The following KNL1 variants were observed in gnomAD, a reference collection of about 807,000 sequenced individuals.
The protein encoded by KNL1 is outer kinetochore KNL1 complex subunit KNL1.
Under a neutral mutation model 201.3 loss-of-function variants are expected in KNL1, and 66 were observed. The ratio of observed to expected loss-of-function variants is 0.33; its 90% confidence interval spans 0.27 to 0.40. The LOEUF is 0.40. KNL1 is among the 10% of genes least tolerant of loss of function. The pLI is 1.00. For synonymous variants in KNL1, 895 were observed against 899.2 expected (o/e 1.00, Z 0.08); for missense variants, 2,815 against 2,690.5 (o/e 1.05, Z -1.02).
Position 40,650,533 on chromosome 15 carries a change from T to C in KNL1, c.6173-11T>C. On this transcript the variant is annotated splice_polypyrimidine_tract_variant and intron_variant, in intron 18 of 25. Transcript: ENST00000399668. ...GTTTGTTCTGTTTTTTTTTTTTTTCTGTTTCCAAAGAATTGGAACAGCTGA... is the reference window on the plus strand; with the variant it reads ...GTTTGTTCTGTTTTTTTTTTTTTTCCGTTTCCAAAGAATTGGAACAGCTGA... 6.5e-7 allele frequency: 1 copy of C among 1,543,478 alleles called. No homozygotes were observed. Among genetic ancestry groups the C allele is most frequent in the Admixed American group, 2.3e-5 (1 of 44,024 alleles).
Position 40,629,327 on chromosome 15 carries a change from C to T in KNL1, c.5638C>T (p.His1880Tyr), listed in dbSNP as rs1892837712. The change falls in exon 13 of 26, where the codon CAC becomes TAC. Residue 1880 changes from histidine to tyrosine, a missense_variant. Coordinates refer to ENST00000399668, the MANE Select transcript of KNL1 (RefSeq NM_144508.5). ...GGAGTTCTTTATACTTCTCCAGGTC[C>T]ACATCTTGATACAGAAACCCCGACA... ...IREFFILLQV[H>Y]ILIQKPRQSN... The T allele has an allele frequency of 1.2e-6, 2 of 1,605,292 alleles. No homozygotes were observed. Among genetic ancestry groups the T allele is most frequent in the South Asian group, 2.3e-5 (2 of 88,712 alleles).
intron 25 of KNL1, among the ~76,000 whole-genome samples, chr15:40,659,973 C>T (rs1419523467): frequency 1.3e-5 from 2 of 150,468 alleles, no homozygotes; most frequent in Admixed American, 6.7e-5. Flanking sequence ...TGCAGTGGCA[C>T]GATCTCGGCT....
intron 13 of KNL1, among the ~76,000 whole-genome samples, chr15:40,639,770 T>C (rs1252435157): frequency 6.8e-6 from 1 of 147,368 alleles, no homozygotes; most frequent in African/African-American, 2.5e-5. Flanking sequence ...AGACCCCATC[T>C]CAAAAAAAAA....
At chr15:40,648,293 G>A (rs1893454804) in intron 17 of KNL1, among the ~76,000 whole-genome samples, 1 of 152,116 alleles carries the variant, frequency 6.6e-6, no homozygotes, top group African/African-American at 2.4e-5. Flanking sequence ...TTAGCTCAGC[G>A]TGATGGCACA....
rs188649311 is a variant in KNL1 at position 40,658,363 on chromosome 15, A to G, written c.6713+890A>G. Reference sequence around the variant, plus strand: ...GGCAAGATGGTGAAACCCTGTCTCTACTAAAAATACAAAAAATTAGCCGGG... The same window carrying G: ...GGCAAGATGGTGAAACCCTGTCTCTGCTAAAAATACAAAAAATTAGCCGGG... On this transcript the variant is annotated intron_variant, in intron 24 of 25. Coordinates refer to ENST00000399668, the MANE Select transcript of KNL1 (RefSeq NM_144508.5). 2.0e-4 allele frequency among the ~76,000 whole-genome samples: 30 copies of G among 151,644 alleles called. No individual in the cohort carries two copies. The South Asian group carries it at 2.9e-3, about 15-fold the overall frequency.
intron 8 of KNL1, among the ~76,000 whole-genome samples, chr15:40,616,433 CTG>C (rs1365517684): frequency 2.0e-4 from 31 of 152,118 alleles, no homozygotes; most frequent in African/African-American, 6.8e-4. Flanking sequence ...AGCCAACTCA[CTG>C]TTACTTCTTT....
intron 5 of KNL1, among the ~76,000 whole-genome samples, chr15:40,609,244 CAAAAAA>C (rs35081212): frequency 1.9e-5 from 1 of 52,126 alleles, no homozygotes; most frequent in African/African-American, 6.1e-5. Flanking sequence ...CCCATCTCTA[CAAAAAA>C]AAAAAAAAAA....
At chr15:40,652,136 C>A in intron 21 of KNL1, 31 bp downstream of exon 21, 1 of 1,412,300 alleles carries the variant, frequency 7.1e-7, no homozygotes, top group Non-Finnish European at 1.0e-6. Flanking sequence ...AATTCTTTTA[C>A]AGAAAAATGA....
At chr15:40,611,774 T>C (rs1025631603) in intron 7 of KNL1, among the ~76,000 whole-genome samples, 2 of 152,024 alleles carry the variant, frequency 1.3e-5, no homozygotes, top group African/African-American at 4.8e-5. Context: ...TTTTATTAAA[T>C]TAATCTTTCT....
chr15:40,634,750 A>G (rs933082383), intron 13 of KNL1, among the ~76,000 whole-genome samples: 2 of 152,052 alleles, frequency 1.3e-5, no homozygotes, highest in Admixed American at 6.6e-5. Context: ...AACAGAGGAG[A>G]GCAGAGGGGA....
intron 13 of KNL1, among the ~76,000 whole-genome samples, chr15:40,637,682 T>C (rs906550826): frequency 3.9e-5 from 6 of 152,176 alleles, no homozygotes; most frequent in Non-Finnish European, 8.8e-5. Flanking sequence ...GTGGCCAAGG[T>C]AGTGATACCT....
In KNL1 at chr15:40,629,276, C is replaced by G; in HGVS notation, c.5587C>G (p.Leu1863Val). 6.3e-7 allele frequency: 1 copy of G among 1,576,316 alleles called. No homozygotes were observed. The highest frequency in any genetic ancestry group is 8.6e-7 in the Non-Finnish European group (1 of 1,168,102). ...AAACTTTTTTTTCTTTTCTCAGAAA[C>G]TCCAAGATGGGAGAATAACAATAAG... ...TICEESLREK[L>V]QDGRITIREF... Residue 1863 changes from leucine to valine, a missense_variant, in exon 13 of 26, where the codon CTC (leucine) becomes GTC (valine). Transcript: ENST00000399668.
intron 7 of KNL1, among the ~76,000 whole-genome samples, chr15:40,613,329 C>G (rs1892233835): frequency 6.6e-6 from 1 of 151,916 alleles, no homozygotes; most frequent in Non-Finnish European, 1.5e-5. Context: ...CATATATATG[C>G]ATAATATCTC....
intron 1 of KNL1, among the ~76,000 whole-genome samples, chr15:40,596,685 C>T (rs758809780): frequency 6.6e-6 from 1 of 151,968 alleles, no homozygotes; most frequent in Non-Finnish European, 1.5e-5. Flanking sequence ...ACCCTCATTT[C>T]CTGTAGTACT....
At position 40,625,613 on chromosome 15, in the gene KNL1, G is replaced by A. The variant is rs1475015300; in HGVS notation, c.5349G>A (p.Lys1783=). 6.2e-7 allele frequency: 1 copy of A among 1,611,002 alleles called. No homozygotes were observed. The highest frequency in any genetic ancestry group is 8.5e-7 in the Non-Finnish European group (1 of 1,179,154). The change falls in exon 10 of 26, where the codon AAG becomes AAA. Residue 1783 remains lysine (K), a synonymous_variant. Transcript: ENST00000399668. ...AAAAAATCAGAAAAAATGAGATTAA[G>A]TTTAGTGATACGACACAAGATCGGG... ...KEKKIRKNEI[K]FSDTTQDREI...
chr15:40,625,062 G>A lies in KNL1; in HGVS notation c.4798G>A (p.Val1600Met). 6.2e-7 allele frequency: 1 copy of A among 1,613,722 alleles called. No homozygotes were observed. Among genetic ancestry groups the A allele is most frequent in the Non-Finnish European group, 8.5e-7 (1 of 1,179,804 alleles). The change falls in exon 10 of 26, where the codon GTG becomes ATG. Residue 1600 changes from valine to methionine, a missense_variant. Coordinates refer to ENST00000399668, the MANE Select transcript of KNL1 (RefSeq NM_144508.5). ...TAAGGCACACAATGATATGCATATA[G>A]TGCAAGCTACAGAAATACATAATAT... The part of the protein sequence containing the change: ...GNKAHNDMHI[V>M]QATEIHNINI...
chr15:40,623,446 A>G lies in KNL1; in HGVS notation c.3182A>G (p.Lys1061Arg). The G allele has an allele frequency of 6.2e-7, 1 of 1,611,594 alleles. No homozygotes were observed. Among genetic ancestry groups the G allele is most frequent in the East Asian group, 2.2e-5 (1 of 44,870 alleles). The change falls in exon 10 of 26, where the codon AAA becomes AGA. Residue 1061 changes from lysine to arginine, a missense_variant. Lys to Arg is a conservative substitution (Grantham distance 26, BLOSUM62 2). Coordinates refer to ENST00000399668, the MANE Select transcript of KNL1 (RefSeq NM_144508.5). ...TTTCTGAATGAACCTCTATCAAGCA[A>G]AAGTCAGAGAAGAAAAAGCCTTAAG... ...PGFLNEPLSS[K>R]SQRRKSLKLK...
intron 13 of KNL1, among the ~76,000 whole-genome samples, chr15:40,639,935 C>G (rs190426117): frequency 1.4e-4 from 22 of 151,930 alleles, no homozygotes; most frequent in Non-Finnish European, 2.8e-4. Context: ...ATTAGCCAGG[C>G]GTGGTGACAC....
intron 1 of KNL1, among the ~76,000 whole-genome samples, chr15:40,596,793 G>A (rs1348499779): frequency 6.6e-6 from 1 of 151,796 alleles, no homozygotes; most frequent in East Asian, 2.0e-4. Flanking sequence ...CTGAGATCAG[G>A]AGTTTGAGAC....
Sources: allele counts gnomAD v4.1 joint callset (sites outside exome capture counted in the v4.1 genomes callset), GRCh38; gene constraint gnomAD v4.1.1; transcripts MANE v1.5; gene names NCBI Gene and HGNC (gene_info 2026-07-23, HGNC 2026-07-21).